The following TMEM163 variants were observed in gnomAD, a reference collection of about 807,000 sequenced individuals.
TMEM163 encodes transmembrane protein 163.
In TMEM163, 17 loss-of-function variants were observed where a neutral mutation model predicts 29.3. That is an observed-to-expected ratio of 0.58 (90% CI 0.40 to 0.87). TMEM163 has a LOEUF of 0.87. Ranked by LOEUF, TMEM163 falls within the 40% of genes least tolerant of loss-of-function variation. TMEM163 has a pLI of 0.00. For missense variants in TMEM163, 303 were observed against 381.5 expected, an observed-to-expected ratio of 0.79 and a Z score of 1.71; for synonymous variants, 157 against 160.6, an observed-to-expected ratio of 0.98 and a Z score of 0.17.
intron 4 of TMEM163, among the ~76,000 whole-genome samples, chr2:134,525,507 G>T (rs71417516): frequency 1.3e-5 from 2 of 152,180 alleles, no homozygotes; most frequent in African/African-American, 4.8e-5. Context: ...AAAATCAATC[G>T]CTGGGGAGCA....
At chr2:134,539,284 T>C (rs535791275) in intron 4 of TMEM163, among the ~76,000 whole-genome samples, 5 of 152,230 alleles carry the variant, frequency 3.3e-5, no homozygotes, top group African/African-American at 1.2e-4. Flanking sequence ...TGCAACTACT[T>C]AGAGAAAGGC....
chr2:134,487,374 G>T (rs1161231164), intron 5 of TMEM163, among the ~76,000 whole-genome samples: 1 of 152,020 alleles, frequency 6.6e-6, no homozygotes, highest in African/African-American at 2.4e-5. Flanking sequence ...AAAATATAGA[G>T]GAATTGCCCT....
At chr2:134,694,792 G>A (rs1684542938) in intron 2 of TMEM163, among the ~76,000 whole-genome samples, 1 of 152,110 alleles carries the variant, frequency 6.6e-6, no homozygotes, top group Non-Finnish European at 1.5e-5. Context: ...TTTTGAAAAT[G>A]TACTTTATCA....
At position 134,462,086 on chromosome 2, in the gene TMEM163, AG is replaced by A. The variant is rs1686553835; in HGVS notation, c.668-3914del. The stretch of plus-strand genomic sequence containing the variant: ...TTTGCCGGCAACACACCCACCTAGC[AG>A]GGGATCGAAGGGCCACAGAGCACAG... On this transcript the variant is annotated intron_variant, in intron 6 of 7. Coordinates refer to ENST00000281924, the MANE Select transcript of TMEM163 (RefSeq NM_030923.5). Among the ~76,000 whole-genome samples, 10 of 152,316 alleles carry A rather than the reference AG, an allele frequency of 6.6e-5. No homozygotes were observed. In the South Asian group the frequency reaches 2.1e-3, roughly 32 times the overall value.
chr2:134,521,220 A>AT (rs2106495154), intron 4 of TMEM163, among the ~76,000 whole-genome samples: 1 of 152,062 alleles, frequency 6.6e-6, no homozygotes, highest in East Asian at 1.9e-4. Context: ...GATGATCTTG[A>AT]TCTCCTGACC....
chr2:134,628,516 G>A (rs1682901119), intron 2 of TMEM163, among the ~76,000 whole-genome samples: 1 of 152,236 alleles, frequency 6.6e-6, no homozygotes, highest in Non-Finnish European at 1.5e-5. Context: ...GTTTTGTTCT[G>A]AGGGACTGGA....
chr2:134,466,937 C>T (rs757019630), intron 5 of TMEM163: 1 of 152,204 alleles, frequency 6.6e-6, no homozygotes. Flanking sequence ...TGTGTCACCC[C>T]CAAGAGACAC....
chr2:134,576,404 C>G, intron 2 of TMEM163, among the ~76,000 whole-genome samples: 1 of 152,170 alleles, frequency 6.6e-6, no homozygotes, highest in East Asian at 1.9e-4. Flanking sequence ...ATCCCCAATG[C>G]TGATGGTTTA....
chr2:134,487,853 T>C (rs1679346399), intron 5 of TMEM163, among the ~76,000 whole-genome samples: 1 of 152,190 alleles, frequency 6.6e-6, no homozygotes, highest in Non-Finnish European at 1.5e-5. Flanking sequence ...ATACAAATTC[T>C]AGATGAATTA....
chr2:134,460,220 CG>C lies in TMEM163; in HGVS notation c.668-2048del, dbSNP rs1686504842. 6.6e-6 allele frequency among the ~76,000 whole-genome samples: 1 copy of C among 151,998 alleles called. No homozygotes were observed. The highest frequency in any genetic ancestry group is 2.4e-5 in the African/African-American group (1 of 41,382). ...CTCTCCCGCAGGAAAGCCCCCGTCACGGGCTCAAATCCCACCAGACCCCTCA... is the reference window on the plus strand; with the variant it reads ...CTCTCCCGCAGGAAAGCCCCCGTCACGGCTCAAATCCCACCAGACCCCTCA... On this transcript the variant is annotated intron_variant, in intron 6 of 7. Coordinates refer to ENST00000281924, the MANE Select transcript of TMEM163 (RefSeq NM_030923.5). The surrounding 1 kb of genome is among the most constrained non-coding windows in gnomAD (Gnocchi z 4.3).
At chr2:134,485,302 ATACTG>A (rs1343342288) in intron 5 of TMEM163, among the ~76,000 whole-genome samples, 3 of 152,236 alleles carry the variant, frequency 2.0e-5, no homozygotes, top group Admixed American at 6.5e-5. Flanking sequence ...AATGCATTGA[ATACTG>A]TACTGAATGT....
chr2:134,644,914 C>G (rs1683301085), intron 2 of TMEM163, among the ~76,000 whole-genome samples: 1 of 152,138 alleles, frequency 6.6e-6, no homozygotes, highest in African/African-American at 2.4e-5. Flanking sequence ...TGTCAAAACT[C>G]AACTGTAAGT....
chr2:134,628,998 G>A lies in TMEM163; in HGVS notation c.323-76907C>T, dbSNP rs142092018. Among the ~76,000 whole-genome samples the A allele has an allele frequency of 1.2e-3, 184 of 152,338 alleles. 1 individual carries two copies. Among genetic ancestry groups the A allele is most frequent in the African/African-American group, 4.3e-3 (180 of 41,580 alleles). On this transcript the variant is annotated intron_variant, in intron 2 of 7. Coordinates refer to ENST00000281924, the MANE Select transcript of TMEM163 (RefSeq NM_030923.5). ...TCATCATAGATGCCTACGATATACT[G>A]TTAGATGATCAGCTAGTTGCAAAAT...
At chr2:134,623,494 G>T (rs1034735995) in intron 2 of TMEM163, among the ~76,000 whole-genome samples, 41 of 152,182 alleles carry the variant, frequency 2.7e-4, no homozygotes, top group African/African-American at 8.0e-4. Flanking sequence ...GTTGCCGGCC[G>T]CAGTGGCTCA....
chr2:134,481,706 G>C (rs1489327761), intron 5 of TMEM163, among the ~76,000 whole-genome samples: 3 of 152,168 alleles, frequency 2.0e-5, no homozygotes, highest in Non-Finnish European at 2.9e-5. Flanking sequence ...AGGAATAGGA[G>C]GGAAGCTGAT....
At chr2:134,594,088 G>A (rs1682002789) in intron 2 of TMEM163, among the ~76,000 whole-genome samples, 3 of 152,058 alleles carry the variant, frequency 2.0e-5, no homozygotes, top group Non-Finnish European at 4.4e-5. Context: ...CTTGAACAAC[G>A]GAAAAGACAA....
chr2:134,655,735 G>A (rs1683587944), intron 2 of TMEM163, among the ~76,000 whole-genome samples: 1 of 142,024 alleles, frequency 7.0e-6, no homozygotes, highest in Non-Finnish European at 1.5e-5. Flanking sequence ...CGGTGCGGAT[G>A]TCCTTTCTGT....
intron 5 of TMEM163, among the ~76,000 whole-genome samples, chr2:134,480,328 C>T (rs1268605323): frequency 6.6e-6 from 1 of 152,176 alleles, no homozygotes; most frequent in Non-Finnish European, 1.5e-5. Flanking sequence ...AGCCACAGGG[C>T]TCACTGTGTC....
At chr2:134,498,576 C>T (rs1308744601) in intron 5 of TMEM163, among the ~76,000 whole-genome samples, 1 of 152,160 alleles carries the variant, frequency 6.6e-6, no homozygotes, top group African/African-American at 2.4e-5. Context: ...AGGTGATCCG[C>T]CTGTCTCGGC....
Sources: allele counts gnomAD v4.1 joint callset (sites outside exome capture counted in the v4.1 genomes callset), GRCh38; gene constraint gnomAD v4.1.1; non-coding constraint Gnocchi (gnomAD v3.1); transcripts MANE v1.5; gene names NCBI Gene and HGNC (gene_info 2026-07-23, HGNC 2026-07-21).